Variants in CTTNBP2 observed in about 807,000 individuals in gnomAD.
The protein encoded by CTTNBP2 is cortactin binding protein 2.
CTTNBP2 carries 108 observed loss-of-function variants against 156.9 expected under a neutral mutation model. The ratio of observed to expected loss-of-function variants is 0.69; its 90% CI spans 0.59 to 0.81. The LOEUF is 0.81. Ranked by LOEUF, CTTNBP2 falls within the 30% of genes least tolerant of loss-of-function variation. CTTNBP2 has a pLI of 0.00. For missense variants in CTTNBP2, 1,924 were observed against 2,035.4 expected (o/e 0.95, Z 1.05); for synonymous variants, 767 against 751.8 (o/e 1.02, Z -0.33).
chr7:117,747,964 C>A (rs1307287586), intron 12 of CTTNBP2, among the ~76,000 whole-genome samples: 2 of 152,088 alleles, frequency 1.3e-5, no homozygotes, highest in Non-Finnish European at 2.9e-5. Context: ...TGAAAGATAT[C>A]ATGTCTGGTA....
intron 3 of CTTNBP2, among the ~76,000 whole-genome samples, chr7:117,809,337 GT>G (rs1463019864): frequency 1.3e-5 from 2 of 152,108 alleles, no homozygotes; most frequent in Non-Finnish European, 2.9e-5. Flanking sequence ...ACAACAAAGT[GT>G]TTTCTTAATT....
At position 117,735,086 on chromosome 7, in the gene CTTNBP2, C is replaced by T. The variant is rs1317214891; in HGVS notation, c.3703G>A (p.Glu1235Lys). 2.0e-5 allele frequency: 32 copies of T among 1,612,974 alleles called. No homozygotes were observed. Among genetic ancestry groups the T allele is most frequent in the Middle Eastern group, 1.7e-4 (1 of 6,054 alleles). The change falls in exon 16 of 23, where the codon GAA (glutamate) becomes AAA (lysine). Residue 1235 changes from glutamate (E) to lysine (K), a missense_variant. By Grantham distance (56) the Glu-to-Lys change is moderately conservative. Transcript: ENST00000160373. ...CTFQKGNGLSECYYFHENCFL... is the reference protein window; with the variant it reads ...CTFQKGNGLSKCYYFHENCFL... ...CAGTTCTCATGAAAGTAATAACATT[C>T]GGACAGTCCATTTCCTGAAACAAAC...
intron 8 of CTTNBP2, among the ~76,000 whole-genome samples, chr7:117,770,400 A>T (rs1797738391): frequency 6.6e-6 from 1 of 152,242 alleles, no homozygotes; most frequent in African/African-American, 2.4e-5. Context: ...CTACTACAAG[A>T]GTAAATTCTG....
intron 2 of CTTNBP2, among the ~76,000 whole-genome samples, chr7:117,831,437 G>A (rs1801606239): frequency 6.6e-6 from 1 of 152,138 alleles, no homozygotes; most frequent in South Asian, 2.1e-4. Context: ...GGAGGATAAG[G>A]AGTGTAGTGA....
chr7:117,850,634 T>A (rs892048972), intron 2 of CTTNBP2, among the ~76,000 whole-genome samples: 3 of 152,140 alleles, frequency 2.0e-5, no homozygotes, highest in Non-Finnish European at 4.4e-5. Flanking sequence ...TGGTTATTTT[T>A]ATTTTATTAG....
intron 3 of CTTNBP2, among the ~76,000 whole-genome samples, chr7:117,809,339 T>C (rs1256754565): frequency 6.6e-6 from 1 of 152,236 alleles, no homozygotes; most frequent in Non-Finnish European, 1.5e-5. Flanking sequence ...AACAAAGTGT[T>C]TTCTTAATTT....
At position 117,791,345 on chromosome 7, in the gene CTTNBP2, T is replaced by C; in HGVS notation, c.1851A>G (p.Ile617Met). ...SSPQLPPKPS[I>M]DLTVAPAGCA... is the part of the protein sequence containing the mutation. Reference sequence around the variant, plus strand: ...AGCCTGCAGGTGCCACAGTTAAATCTATGGATGGTTTTGGTGGCAGCTGAG... The same window carrying C: ...AGCCTGCAGGTGCCACAGTTAAATCCATGGATGGTTTTGGTGGCAGCTGAG... Residue 617 changes from isoleucine (I) to methionine (M), a missense_variant, in exon 4 of 23, where the codon ATA becomes ATG. Transcript: ENST00000160373. 1 of 1,614,088 alleles carries C rather than the reference T, an allele frequency of 6.2e-7. No individual in the cohort carries two copies. Among genetic ancestry groups the C allele is most frequent in the Non-Finnish European group, 8.5e-7 (1 of 1,180,014 alleles).
intron 2 of CTTNBP2, among the ~76,000 whole-genome samples, chr7:117,829,574 T>C (rs767368400): frequency 6.6e-6 from 1 of 152,194 alleles, no homozygotes; most frequent in Non-Finnish European, 1.5e-5. Flanking sequence ...GATCCACATA[T>C]GCTCTAGGAA....
chr7:117,724,949 A>G (rs762768460), intron 18 of CTTNBP2, 103 bp downstream of exon 18: 28 of 1,162,538 alleles, frequency 2.4e-5, no homozygotes, highest in African/African-American at 3.1e-5. Context: ...TATAAGATGT[A>G]TATTTTTCTA....
At chr7:117,873,278 C>T in intron 1 of CTTNBP2, 57 bp downstream of exon 1, 1 of 1,252,858 alleles carries the variant, frequency 8.0e-7, no homozygotes, top group Non-Finnish European at 1.0e-6. Context: ...GGGACCCCGG[C>T]GCCGCCCCCG....
At chr7:117,735,146 T>C (rs761043400) in intron 15 of CTTNBP2, 46 bp from the exon 16 acceptor site, 10 of 1,595,864 alleles carry the variant, frequency 6.3e-6, no homozygotes, top group African/African-American at 1.4e-5. Context: ...TGAGTTATGT[T>C]ATGGGACAGA....
At chr7:117,771,163 G>A (rs1797777627) in intron 8 of CTTNBP2, among the ~76,000 whole-genome samples, 1 of 152,126 alleles carries the variant, frequency 6.6e-6, no homozygotes, top group Admixed American at 6.6e-5. Flanking sequence ...GTTGAGGGGT[G>A]AGGGAAGTGC....
intron 14 of CTTNBP2, among the ~76,000 whole-genome samples, chr7:117,744,394 TTTGA>T (rs1451123206): frequency 6.6e-6 from 1 of 152,150 alleles, no homozygotes; most frequent in Non-Finnish European, 1.5e-5. Context: ...ATTCAATTGC[TTTGA>T]TTTTTAGATC....
chr7:117,743,340 C>G (rs1433454922), intron 14 of CTTNBP2, among the ~76,000 whole-genome samples: 1 of 152,102 alleles, frequency 6.6e-6, no homozygotes, highest in African/African-American at 2.4e-5. Context: ...TGTTAGATAA[C>G]AGGGGAAAAA....
At chr7:117,790,597 G>GAA (rs1798938009) in intron 4 of CTTNBP2, among the ~76,000 whole-genome samples, 1 of 143,888 alleles carries the variant, frequency 6.9e-6, no homozygotes, top group African/African-American at 2.7e-5. Flanking sequence ...ATTTCTGAAG[G>GAA]TAAAAAAAAA....
intron 3 of CTTNBP2, among the ~76,000 whole-genome samples, chr7:117,797,656 T>C (rs1353693924): frequency 6.6e-6 from 1 of 152,072 alleles, no homozygotes; most frequent in African/African-American, 2.4e-5. Flanking sequence ...ATATCTAAAC[T>C]GACAAAAAGT....
intron 19 of CTTNBP2, among the ~76,000 whole-genome samples, 179 bp from the exon 20 acceptor site, chr7:117,721,309 A>C (rs1374227811): frequency 6.6e-6 from 1 of 152,228 alleles, no homozygotes; most frequent in Non-Finnish European, 1.5e-5. Context: ...CTGCAGAGGC[A>C]CTGTGGGAAA....
chr7:117,724,746 A>G lies in CTTNBP2; in HGVS notation c.4262-14T>C. On this transcript the variant is annotated splice_polypyrimidine_tract_variant and intron_variant, in intron 18 of 22. Transcript: ENST00000160373. ...GCTGGTCTAGCTCTGAAACAACACA[A>G]ATCACAGCAGGGATAATGCAGTTTC... The G allele has an allele frequency of 6.2e-7, 1 of 1,613,128 alleles. No homozygotes were observed. Among genetic ancestry groups the G allele is most frequent in the Non-Finnish European group, 8.5e-7 (1 of 1,179,728 alleles).
At chr7:117,775,290 T>TA (rs1304133114) in intron 8 of CTTNBP2, among the ~76,000 whole-genome samples, 1 of 151,920 alleles carries the variant, frequency 6.6e-6, no homozygotes, top group African/African-American at 2.4e-5. Context: ...CTTCTTAAAG[T>TA]AAAAAAACAC....
Sources: gnomAD v4.1 joint callset for allele counts (sites outside exome capture counted in the v4.1 genomes callset) on GRCh38, gnomAD v4.1.1 for gene constraint, MANE v1.5 for transcripts, NCBI Gene and HGNC (gene_info 2026-07-23, HGNC 2026-07-21) for gene names.